The following CCNT2 variants were observed in gnomAD, a reference collection of about 807,000 sequenced individuals.
The protein encoded by CCNT2 is cyclin-T2.
A neutral mutation model predicts 70.0 loss-of-function variants in CCNT2; 18 were observed. The ratio of observed to expected loss-of-function variants is 0.26; its 90% CI spans 0.18 to 0.38. CCNT2 has a LOEUF of 0.38. Among genes scored for constraint, CCNT2 ranks in the 10% least tolerant of loss-of-function variants. The pLI is 1.00. For synonymous variants in CCNT2, 334 were observed against 313.3 expected (o/e 1.07, Z -0.70); for missense variants, 734 against 890.2 (o/e 0.82, Z 2.23).
At chr2:134,941,786 G>A (rs1430396863) in intron 4 of CCNT2, among the ~76,000 whole-genome samples, 1 of 152,144 alleles carries the variant, frequency 6.6e-6, no homozygotes, top group African/African-American at 2.4e-5. Flanking sequence ...CTTAAGCACA[G>A]AGAATGAAAA....
At chr2:134,939,232 T>C (rs1681384159) in intron 4 of CCNT2, among the ~76,000 whole-genome samples, 170 bp downstream of exon 4, 1 of 152,228 alleles carries the variant, frequency 6.6e-6, no homozygotes, top group African/African-American at 2.4e-5. Flanking sequence ...TAGAATTTAA[T>C]TTCATTTGGC....
At chr2:134,925,820 A>C (rs1187808279) in intron 2 of CCNT2, among the ~76,000 whole-genome samples, 1 of 146,798 alleles carries the variant, frequency 6.8e-6, no homozygotes, top group Non-Finnish European at 1.5e-5. Context: ...TCATATGGTA[A>C]CTCTAGATTC....
chr2:134,944,070 G>C, intron 5 of CCNT2: 1 of 984,960 alleles, frequency 1.0e-6, no homozygotes, highest in South Asian at 4.7e-5. Context: ...AATCTAATTT[G>C]TATTTTTTTG....
intron 2 of CCNT2, among the ~76,000 whole-genome samples, chr2:134,929,901 T>A (rs1680609993): frequency 6.6e-6 from 1 of 151,740 alleles, no homozygotes; most frequent in Non-Finnish European, 1.5e-5. Context: ...TCCGCCTGGC[T>A]TGGCCTCCCA....
rs1013961280 is a variant in CCNT2, at chr2:134,958,647, G to T, written c.*3999G>T. On this transcript the variant is annotated 3_prime_UTR_variant, in exon 9 of 9. Transcript: ENST00000264157. Reference sequence around the variant, plus strand: ...TAATTGCTGTAAGCTGACATACATGGAAGCCGAAATCAAAAGGTTGCTTTT... The same window carrying T: ...TAATTGCTGTAAGCTGACATACATGTAAGCCGAAATCAAAAGGTTGCTTTT... 6.6e-6 allele frequency: 1 copy of T among 152,208 alleles called. No homozygotes were observed. Among genetic ancestry groups the T allele is most frequent in the Non-Finnish European group, 1.5e-5 (1 of 68,028 alleles). The allele number at this position is 152,208 out of a possible 1,614,324, so 9.4% of individuals were successfully genotyped here.
chr2:134,942,742 C>T, intron 5 of CCNT2, 68 bp downstream of exon 5: 1 of 1,443,872 alleles, frequency 6.9e-7, no homozygotes, highest in Non-Finnish European at 9.3e-7. Flanking sequence ...GATTTGGGTG[C>T]TATTTTGTTT....
chr2:134,945,913 T>C, intron 5 of CCNT2, 188 bp from the exon 6 acceptor site: 1 of 1,525,996 alleles, frequency 6.6e-7, no homozygotes, highest in Non-Finnish European at 8.8e-7. Context: ...GCAAGAAACA[T>C]TTGAGTGAAT....
chr2:134,955,613 A>G lies in CCNT2; in HGVS notation c.*965A>G, dbSNP rs964982003. On this transcript the variant is annotated 3_prime_UTR_variant, in exon 9 of 9. Coordinates refer to ENST00000264157, the MANE Select transcript of CCNT2 (RefSeq NM_058241.3). ...AGATTTAGTGAGTTGTTTCCTTTAA[A>G]GAATTTTACACTACATATTTTAATA... 6.6e-6 allele frequency: 1 copy of G among 152,644 alleles called. No homozygotes were observed. The highest frequency in any genetic ancestry group is 1.5e-5 in the Non-Finnish European group (1 of 68,034). The allele number at this position is 152,644 out of a possible 1,614,324, so 9.5% of individuals were successfully genotyped here.
intron 2 of CCNT2, among the ~76,000 whole-genome samples, chr2:134,921,083 G>T (rs1411595254): frequency 6.6e-6 from 1 of 152,140 alleles, no homozygotes. Context: ...CAGTGATAGT[G>T]TTATGGAAGA....
chr2:134,950,693 A>G (rs1682431463), intron 7 of CCNT2, among the ~76,000 whole-genome samples: 1 of 152,228 alleles, frequency 6.6e-6, no homozygotes, highest in African/African-American at 2.4e-5. Flanking sequence ...TGATACTACT[A>G]TTCTTATTAC....
chr2:134,952,808 G>A, intron 8 of CCNT2, 97 bp downstream of exon 8: 1 of 862,502 alleles, frequency 1.2e-6, no homozygotes, highest in Non-Finnish European at 1.9e-6. Context: ...AATCTTTGCA[G>A]TATTCCTGAA....
chr2:134,933,941 G>C (rs1680967947), intron 2 of CCNT2, among the ~76,000 whole-genome samples: 1 of 152,130 alleles, frequency 6.6e-6, no homozygotes, highest in Admixed American at 6.5e-5. Context: ...AAGAGAATAA[G>C]TAAATTGTCT....
rs114071795 is a variant in CCNT2, at chr2:134,921,201, C to T, written c.240+1310C>T. On this transcript the variant is annotated intron_variant, in intron 2 of 8. Coordinates refer to ENST00000264157, the MANE Select transcript of CCNT2 (RefSeq NM_058241.3). ...GTTAATATAAATTTGGCATTCCTTA[C>T]GTAACCCTGGATAATAATGGTAGAA... 2.8e-3 allele frequency among the ~76,000 whole-genome samples: 424 copies of T among 152,196 alleles called. 1 individual carries two copies. The highest frequency in any genetic ancestry group is 9.8e-3 in the African/African-American group (405 of 41,538).
rs771733534 is a variant in CCNT2 at position 134,953,434 on chromosome 2, A to G, written c.979A>G (p.Thr327Ala). ...SGNISVQDSH[T>A]SDNLSMLATG... ...AAATATTTCTGTTCAAGACAGCCAT[A>G]CATCTGATAATTTGTCAATGCTAGC... is the stretch of plus-strand genomic sequence containing the variant. The change falls in exon 9 of 9, where the codon ACA (threonine) becomes GCA (alanine). Residue 327 changes from threonine to alanine, a missense_variant. Thr to Ala is a moderately conservative substitution (Grantham distance 58, BLOSUM62 0). This residue lies in a region of CCNT2 where 532 missense variants were observed against 556.9 expected (regional missense o/e 0.96). Transcript: ENST00000264157. The G allele has an allele frequency of 7.4e-6, 12 of 1,612,340 alleles. No homozygotes were observed. The highest frequency in any genetic ancestry group is 2.2e-5 in the East Asian group (1 of 44,732).
At position 134,953,590 on chromosome 2, in the gene CCNT2, A is replaced by T. The variant is rs766205042; in HGVS notation, c.1135A>T (p.Ile379Phe). ...ETSLSGSQYN[I>F]NFQQGPSISL... ...ATCTTTGTCTGGTAGCCAGTACAAC[A>T]TCAACTTCCAGCAGGGACCTTCTAT... Residue 379 changes from isoleucine to phenylalanine, a missense_variant, in exon 9 of 9, where the codon ATC becomes TTC. Around this residue, in one of 3 missense-constraint regions of CCNT2, gnomAD observed 532 missense variants for 556.9 expected, o/e 0.96. Coordinates refer to ENST00000264157, the MANE Select transcript of CCNT2 (RefSeq NM_058241.3). 12 of 1,614,008 alleles carry T rather than the reference A, an allele frequency of 7.4e-6. No individual in the cohort carries two copies. The highest frequency in any genetic ancestry group is 9.3e-6 in the Non-Finnish European group (11 of 1,179,986).
At chr2:134,939,767 A>G (rs370041626) in intron 4 of CCNT2, among the ~76,000 whole-genome samples, 4 of 152,178 alleles carry the variant, frequency 2.6e-5, no homozygotes, top group East Asian at 3.9e-4. Flanking sequence ...CGCCCGGCCT[A>G]TCATATGATT....
intron 5 of CCNT2, chr2:134,945,312 T>C (rs1681871799): frequency 6.1e-6 from 6 of 985,258 alleles, no homozygotes; most frequent in African/African-American, 1.7e-5. Context: ...TGTCAGTGCT[T>C]GTGGATGTAA....
Position 134,939,004 on chromosome 2 carries a change from T to G in CCNT2, c.372T>G (p.Ala124=). 1.2e-6 allele frequency: 2 copies of G among 1,602,166 alleles called. No homozygotes were observed. Among genetic ancestry groups the G allele is most frequent in the Non-Finnish European group, 1.7e-6 (2 of 1,169,902 alleles). Residue 124 remains alanine, a splice_region_variant and synonymous_variant, in exon 4 of 9, where the codon GCT becomes GCG. Transcript: ENST00000264157. ...LEPLLDTKCD[A]YLQQTQELVI... is the part of the protein sequence containing the mutation. The stretch of plus-strand genomic sequence containing the variant: ...TTGATAATATTTTTATCTGACAGGC[T>G]TACCTTCAACAGACTCAAGAACTGG...
At chr2:134,925,378 T>G (rs1361019512) in intron 2 of CCNT2, among the ~76,000 whole-genome samples, 2 of 152,142 alleles carry the variant, frequency 1.3e-5, no homozygotes, top group Non-Finnish European at 1.5e-5. Flanking sequence ...GGTTTGTGGG[T>G]TTTTTTAAGA....
Sources: gnomAD v4.1 joint callset for allele counts (sites outside exome capture counted in the v4.1 genomes callset) on GRCh38, gnomAD v4.1.1 for gene constraint, gnomAD v4.1.1 regional missense constraint, MANE v1.5 for transcripts, NCBI Gene and HGNC (gene_info 2026-07-23, HGNC 2026-07-21) for gene names.